The following ZNF589 variants were observed in gnomAD, a reference collection of about 807,000 sequenced individuals.
ZNF589 encodes the protein zinc finger protein 589.
ZNF589 carries 17 observed loss-of-function variants against 13.6 expected under a neutral mutation model. The observed-to-expected ratio is 1.25, with a 90% CI of 0.86 to 1.88. The LOEUF (loss-of-function observed/expected upper bound fraction) is 1.88. Ranked by LOEUF, ZNF589 falls within the 40% of genes most tolerant of loss-of-function variation. The pLI, the probability that ZNF589 is intolerant of heterozygous loss-of-function variation, is 0.00. For missense variants in ZNF589, 407 were observed against 434.0 expected (o/e 0.94, Z 0.55); for synonymous variants, 148 against 161.6 (o/e 0.92, Z 0.64).
intron 3 of ZNF589, among the ~76,000 whole-genome samples, chr3:48,265,271 CTTTTTTTTTTTTTTTTTTTT>C (rs35060812): frequency 2.1e-5 from 1 of 47,838 alleles, no homozygotes; most frequent in Non-Finnish European, 4.0e-5. Flanking sequence ...TGTGCCCGGC[CTTTTTTTTTTTTTTTTTTTT>C]TTTTTTTTTT....
intron 1 of ZNF589, among the ~76,000 whole-genome samples, chr3:48,247,119 C>G (rs757480445): frequency 6.6e-6 from 1 of 151,902 alleles, no homozygotes; most frequent in African/African-American, 2.4e-5. Context: ...TATAGGCGTG[C>G]ACTACCATGC....
At chr3:48,263,219 C>T (rs1038330798) in intron 3 of ZNF589, among the ~76,000 whole-genome samples, 31 of 151,870 alleles carry the variant, frequency 2.0e-4, no homozygotes, top group East Asian at 1.9e-4. Flanking sequence ...AAGTGATTCT[C>T]CTGCCTCAGC....
In ZNF589 at chr3:48,245,860, T is replaced by C. The variant is rs28627409; in HGVS notation, c.44-1765T>C. Among the ~76,000 whole-genome samples, 298 of 151,706 alleles carry C rather than the reference T, an allele frequency of 2.0e-3. 1 individual carries two copies. Among genetic ancestry groups the C allele is most frequent in the African/African-American group, 6.9e-3 (287 of 41,324 alleles). Reference sequence around the variant, plus strand: ...TACTTGGGAGGCTGATGCAGGAGAATTGCTTGAACCCAGGAGGCGGAGGTT... The same window carrying C: ...TACTTGGGAGGCTGATGCAGGAGAACTGCTTGAACCCAGGAGGCGGAGGTT... On this transcript the variant is annotated intron_variant, in intron 1 of 3. Transcript: ENST00000354698.
intron 2 of ZNF589, among the ~76,000 whole-genome samples, chr3:48,259,191 C>T (rs1027607714): frequency 2.0e-5 from 3 of 152,206 alleles, no homozygotes; most frequent in African/African-American, 4.8e-5. Context: ...CACTGTGCCA[C>T]GCGGCCTGAC....
At chr3:48,253,722 TC>T (rs1286294267) in intron 2 of ZNF589, among the ~76,000 whole-genome samples, 2 of 151,804 alleles carry the variant, frequency 1.3e-5, no homozygotes, top group East Asian at 3.9e-4. Flanking sequence ...CAGGATGGTC[TC>T]GATCTCCTGA....
chr3:48,241,312 C>T lies in ZNF589; in HGVS notation c.43+98C>T. 4 of 1,478,598 alleles carry T rather than the reference C, an allele frequency of 2.7e-6. No homozygotes were observed. In the South Asian group the frequency reaches 3.7e-5, roughly 14 times the overall value. The allele number at this position is 1,478,598 out of a possible 1,614,324, so 91.6% of individuals were successfully genotyped here. ...ATCCACCAGGGATGCGCGTGGGGTGCGAGCTGTGTGAGGCGCTGACTACCC... is the reference window on the plus strand; with the variant it reads ...ATCCACCAGGGATGCGCGTGGGGTGTGAGCTGTGTGAGGCGCTGACTACCC... On this transcript the variant is annotated intron_variant, in intron 1 of 3. Coordinates refer to ENST00000354698, the MANE Select transcript of ZNF589 (RefSeq NM_016089.3).
At chr3:48,252,966 A>C (rs887891895) in intron 2 of ZNF589, among the ~76,000 whole-genome samples, 5 of 152,164 alleles carry the variant, frequency 3.3e-5, no homozygotes, top group Non-Finnish European at 5.9e-5. Context: ...TCAGCGCAGT[A>C]TCTCTCCATT....
In ZNF589 at chr3:48,268,174, G is replaced by A; in HGVS notation, c.483G>A (p.Arg161=). The change falls in exon 4 of 4, where the codon AGG becomes AGA. Residue 161 remains arginine, a synonymous_variant. Coordinates refer to ENST00000354698, the MANE Select transcript of ZNF589 (RefSeq NM_016089.3). ...VRPLFWSTNE[R]GALVGFSSLF... is the part of the protein sequence containing the mutation. ...CCTTGTTTTGGAGTACAAATGAAAG[G>A]GGGGCTTTAGTGGGTTTCTCTAGCC... 1 of 1,612,668 alleles carries A rather than the reference G, an allele frequency of 6.2e-7. No homozygotes were observed. Among genetic ancestry groups the A allele is most frequent in the Non-Finnish European group, 8.5e-7 (1 of 1,179,228 alleles).
At chr3:48,250,849 T>G (rs938665137) in intron 2 of ZNF589, among the ~76,000 whole-genome samples, 1 of 152,202 alleles carries the variant, frequency 6.6e-6, no homozygotes, top group Non-Finnish European at 1.5e-5. Context: ...TAACGTCTTT[T>G]GATGAGCAAG....
At chr3:48,265,271 CTTTTTTTTT>C (rs35060812) in intron 3 of ZNF589, among the ~76,000 whole-genome samples, 2 of 47,884 alleles carry the variant, frequency 4.2e-5, no homozygotes, top group African/African-American at 1.6e-4. Flanking sequence ...TGTGCCCGGC[CTTTTTTTTT>C]TTTTTTTTTT....
intron 2 of ZNF589, among the ~76,000 whole-genome samples, chr3:48,257,318 G>A (rs2033914644): frequency 6.6e-6 from 1 of 152,014 alleles, no homozygotes; most frequent in South Asian, 2.1e-4. Context: ...GGAGTGCAGT[G>A]GCATGATCTT....
chr3:48,259,698 G>A (rs529906698), intron 2 of ZNF589, among the ~76,000 whole-genome samples: 1 of 152,206 alleles, frequency 6.6e-6, no homozygotes, highest in Non-Finnish European at 1.5e-5. Context: ...ATCACTTGAG[G>A]TCGGGAATTG....
chr3:48,263,587 A>G (rs181320468), intron 3 of ZNF589, among the ~76,000 whole-genome samples: 179 of 152,118 alleles, frequency 1.2e-3, no homozygotes, highest in Non-Finnish European at 2.2e-3. Flanking sequence ...CTAAAAATAC[A>G]AAACAAAAAC....
In ZNF589 at chr3:48,268,566, G is replaced by C; in HGVS notation, c.875G>C (p.Arg292Pro). Residue 292 changes from arginine to proline, a missense_variant, in exon 4 of 4, where the codon CGC (arginine) becomes CCC (proline). Transcript: ENST00000354698. The part of the protein sequence containing the change: ...GRGFIVESVL[R>P]NHLSTHSGEK... ...GGCTTTATAGTTGAGTCAGTCCTCC[G>C]CAACCACCTGAGTACACACTCCGGG... The C allele has an allele frequency of 6.2e-7, 1 of 1,610,276 alleles. No individual in the cohort carries two copies. The highest frequency in any genetic ancestry group is 8.5e-7 in the Non-Finnish European group (1 of 1,178,892).
rs1305839971 is a variant in ZNF589, at chr3:48,268,130, G to A, written c.439G>A (p.Val147Met). 1 of 1,614,206 alleles carries A rather than the reference G, an allele frequency of 6.2e-7. No homozygotes were observed. Among genetic ancestry groups the A allele is most frequent in the Non-Finnish European group, 8.5e-7 (1 of 1,180,016 alleles). The change falls in exon 4 of 4, where the codon GTG (valine) becomes ATG (methionine). Residue 147 changes from valine (V) to methionine (M), a missense_variant. Transcript: ENST00000354698. ...GGGGGCTGAAGCAGAAGATCAACGA[G>A]TGGAAGGAGGCGTCAGACCCTTGTT... ...HRGAEAEDQR[V>M]EGGVRPLFWS...
intron 2 of ZNF589, among the ~76,000 whole-genome samples, chr3:48,258,452 C>T (rs1259664512): frequency 6.6e-6 from 1 of 152,070 alleles, no homozygotes; most frequent in Non-Finnish European, 1.5e-5. Context: ...CATAGAAAAC[C>T]GTGTCCTTGG....
At chr3:48,264,720 T>C (rs1559983158) in intron 3 of ZNF589, among the ~76,000 whole-genome samples, 2 of 151,796 alleles carry the variant, frequency 1.3e-5, no homozygotes, top group Non-Finnish European at 2.9e-5. Flanking sequence ...TCCCAGCTAC[T>C]TGGGAGGCTG....
intron 2 of ZNF589, chr3:48,256,508 T>C: frequency 1.6e-6 from 1 of 617,894 alleles, no homozygotes; most frequent in Non-Finnish European, 3.0e-6. Context: ...GAATTGGGGT[T>C]TGCCCTTTGG....
intron 2 of ZNF589, 52 bp from the exon 3 acceptor site, chr3:48,260,761 A>G: frequency 1.2e-6 from 2 of 1,610,876 alleles, no homozygotes; most frequent in Non-Finnish European, 8.5e-7. Context: ...TTCCATTTTC[A>G]CTGTGAATCT....
Sources: gnomAD v4.1 joint callset for allele counts (sites outside exome capture counted in the v4.1 genomes callset) on GRCh38, gnomAD v4.1.1 for gene constraint, MANE v1.5 for transcripts, NCBI Gene and HGNC (gene_info 2026-07-23, HGNC 2026-07-21) for gene names.